ANKRD36C: variants seen among roughly 807,000 people sequenced by gnomAD.
ANKRD36C encodes ankyrin repeat domain-containing protein 36C.
ANKRD36C carries 61 observed loss-of-function variants against 276.4 expected under a neutral mutation model. The observed-to-expected ratio is 0.22, with a 90% CI of 0.18 to 0.27. The LOEUF (loss-of-function observed/expected upper bound fraction) is 0.27. ANKRD36C is among the 10% of genes least tolerant of loss of function. The pLI, the probability that ANKRD36C is intolerant of heterozygous loss-of-function variation, is 1.00. For synonymous variants in ANKRD36C, 483 were observed against 680.1 expected, an observed-to-expected ratio of 0.71 and a Z score of 4.51; for missense variants, 1,447 against 2,032.3, an observed-to-expected ratio of 0.71 and a Z score of 5.54.
At chr2:95,925,248 A>G in intron 30 of ANKRD36C, 104 bp downstream of exon 30, 1 of 1,517,342 alleles carries the variant, frequency 6.6e-7, no homozygotes, top group Non-Finnish European at 8.9e-7. Flanking sequence ...GGCCTGCTTA[A>G]TCAGAAAGTG....
intron 30 of ANKRD36C, 68 bp downstream of exon 30, chr2:95,925,284 T>G: frequency 6.5e-7 from 1 of 1,541,346 alleles, no homozygotes; most frequent in Non-Finnish European, 8.8e-7. Context: ...TCCACTGATC[T>G]ATTCAGGGGT....
chr2:95,919,977 T>C, intron 34 of ANKRD36C, 57 bp from the exon 35 acceptor site: 4 of 1,498,182 alleles, frequency 2.7e-6, no homozygotes, highest in Admixed American at 1.9e-5. Context: ...AAGTTATCCA[T>C]ACATTCACAC....
chr2:95,850,334 G>C (rs78777530), downstream of ANKRD36C, among the ~76,000 whole-genome samples: 5 of 137,216 alleles, frequency 3.6e-5, no homozygotes, highest in Non-Finnish European at 6.4e-5. Flanking sequence ...GGCAATTCCC[G>C]TACAGAGTCA....
intron 20 of ANKRD36C, among the ~76,000 whole-genome samples, chr2:95,939,491 G>C (rs1318759461): frequency 6.6e-6 from 1 of 152,172 alleles, no homozygotes; most frequent in African/African-American, 2.4e-5. Context: ...AGATCACGAA[G>C]TCAGGAGATC....
intron 44 of ANKRD36C, among the ~76,000 whole-genome samples, chr2:95,896,056 C>T (rs1478616201): frequency 8.8e-5 from 13 of 147,758 alleles, no homozygotes; most frequent in South Asian, 2.1e-4. Context: ...CACACAATTA[C>T]GATGACACTC....
Position 95,890,048 on chromosome 2 carries a change from T to C in ANKRD36C, c.2858-54A>G, listed in dbSNP as rs7601338. ...TCATACGTAAATATGATAAAGTTAT[T>C]CATACATTCATACAGTGTTAGCATC... is the stretch of plus-strand genomic sequence containing the variant. On this transcript the variant is annotated intron_variant, in intron 46 of 66. Transcript: ENST00000456556. 6 of 1,567,140 alleles carry C rather than the reference T, an allele frequency of 3.8e-6. No individual in the cohort carries two copies. The South Asian group carries it at 4.5e-5, about 12-fold the overall frequency.
chr2:95,893,991 T>C (rs1464223478), intron 44 of ANKRD36C, among the ~76,000 whole-genome samples: 1 of 151,486 alleles, frequency 6.6e-6, no homozygotes, highest in African/African-American at 2.4e-5. Flanking sequence ...TCAATCTCAA[T>C]GTGCATAGGC....
chr2:95,926,031 A>G, intron 28 of ANKRD36C, among the ~76,000 whole-genome samples: 1 of 151,564 alleles, frequency 6.6e-6, no homozygotes, highest in Non-Finnish European at 1.5e-5. Context: ...ACTTTAGTAG[A>G]ATGTACACTT....
At chr2:95,857,146 AT>A (rs1573719166) in intron 62 of ANKRD36C, among the ~76,000 whole-genome samples, 162 bp downstream of exon 82, 1 of 152,136 alleles carries the variant, frequency 6.6e-6, no homozygotes, top group Non-Finnish European at 1.5e-5. Flanking sequence ...ATATTTCAAG[AT>A]TTATTATAAA....
intron 61 of ANKRD36C, among the ~76,000 whole-genome samples, chr2:95,859,258 T>C (rs372625168): frequency 0.036 from 5,507 of 152,206 alleles, 363 homozygotes; most frequent in Admixed American, 0.16. Context: ...GGTCTCGAAC[T>C]CCTGACCTCG....
intron 44 of ANKRD36C, among the ~76,000 whole-genome samples, chr2:95,896,532 T>C (rs1676556985): frequency 2.0e-5 from 3 of 149,480 alleles, no homozygotes; most frequent in Admixed American, 2.0e-4. Context: ...AGGAAGCAAA[T>C]TTATTCATAT....
chr2:95,971,644 ATAACT>A (rs1298564242), intron 6 of ANKRD36C, among the ~76,000 whole-genome samples: 21 of 152,254 alleles, frequency 1.4e-4, no homozygotes, highest in East Asian at 5.8e-4. Context: ...CATAAAGCAA[ATAACT>A]TAACTGTATT....
chr2:95,965,736 A>G (rs1483655158), intron 6 of ANKRD36C, among the ~76,000 whole-genome samples: 1 of 152,156 alleles, frequency 6.6e-6, no homozygotes, highest in African/African-American at 2.4e-5. Flanking sequence ...TCATTAGATC[A>G]TACAATAAAT....
chr2:95,885,777 G>C (rs1480616194), intron 52 of ANKRD36C, among the ~76,000 whole-genome samples: 1 of 151,720 alleles, frequency 6.6e-6, no homozygotes, highest in Non-Finnish European at 1.5e-5. Flanking sequence ...AAAGCAAAAT[G>C]ATGCTGTCCC....
chr2:95,869,727 G>A (rs990103435), intron 59 of ANKRD36C, among the ~76,000 whole-genome samples: 3 of 152,260 alleles, frequency 2.0e-5, no homozygotes, highest in Non-Finnish European at 4.4e-5. Flanking sequence ...CACTCAGGAA[G>A]TGGAAGGGGT....
intron 6 of ANKRD36C, among the ~76,000 whole-genome samples, chr2:95,964,577 G>A (rs1188760250): frequency 2.6e-5 from 4 of 152,032 alleles, no homozygotes; most frequent in Non-Finnish European, 4.4e-5. Context: ...AATGTTAAAT[G>A]TATCAGACAC....
intron 6 of ANKRD36C, among the ~76,000 whole-genome samples, chr2:95,964,769 A>G (rs1025289669): frequency 5.9e-5 from 9 of 151,944 alleles, no homozygotes; most frequent in African/African-American, 2.2e-4. Flanking sequence ...AGCCTATCTT[A>G]CCTATTTTCC....
rs757938168 is a variant in ANKRD36C, at chr2:95,929,085, T to G, written c.1824A>C (p.Pro608=). The change falls in exon 26 of 67, where the codon CCA becomes CCC. Residue 608 remains proline, a synonymous_variant. Transcript: ENST00000456556. ...TTGCAAAATTACCTGTCCCAGATAT[T>G]GGTCCCTCCTTTATTTCTGTGGCTA... 6.2e-6 allele frequency: 10 copies of G among 1,603,780 alleles called. No individual in the cohort carries two copies. The East Asian group carries it at 2.2e-4, about 36-fold the overall frequency.
In ANKRD36C at chr2:95,929,063, C is replaced by A. The variant is rs1677492069; in HGVS notation, c.1837+9G>T. 1.2e-6 allele frequency: 2 copies of A among 1,602,382 alleles called. No homozygotes were observed. The highest frequency in any genetic ancestry group is 1.1e-5 in the South Asian group (1 of 90,956). On this transcript the variant is annotated intron_variant, in intron 26 of 66. Transcript: ENST00000456556. Reference sequence around the variant, plus strand: ...TGAACATGACATTAGAAGTGTTTTGCAAAATTACCTGTCCCAGATATTGGT... The same window carrying A: ...TGAACATGACATTAGAAGTGTTTTGAAAAATTACCTGTCCCAGATATTGGT...
Sources: allele counts gnomAD v4.1 joint callset (sites outside exome capture counted in the v4.1 genomes callset), GRCh38; gene constraint gnomAD v4.1.1; transcripts MANE v1.5; gene names NCBI Gene and HGNC (gene_info 2026-07-23, HGNC 2026-07-21).